Variants in SLC2A7 observed in about 807,000 individuals in gnomAD.
SLC2A7 encodes solute carrier family 2 member 7.
SLC2A7 carries 50 observed loss-of-function variants against 50.5 expected under a neutral mutation model. The observed-to-expected ratio is 0.99, with a 90% CI of 0.79 to 1.25. The LOEUF is 1.25. Among genes scored for constraint, SLC2A7 ranks in the 50% most tolerant of loss-of-function variants. The pLI is 0.00. For synonymous variants in SLC2A7, 308 were observed against 300.4 expected (o/e 1.03, Z -0.26); for missense variants, 683 against 679.1 (o/e 1.01, Z -0.06).
chr1:9,023,243 A>T (rs1466123181), intron 2 of SLC2A7, among the ~76,000 whole-genome samples, 165 bp from the exon 3 acceptor site: 1 of 152,186 alleles, frequency 6.6e-6, no homozygotes, highest in Admixed American at 6.5e-5. Flanking sequence ...AGAATCAAAA[A>T]ATCTACTATA....
chr1:9,001,181 G>A (rs1309591486), downstream of SLC2A7, among the ~76,000 whole-genome samples: 3 of 152,164 alleles, frequency 2.0e-5, no homozygotes, highest in African/African-American at 7.2e-5. Flanking sequence ...GACAGGACAG[G>A]AGAGGTTCTT....
Position 9,026,377 on chromosome 1 carries a change from A to G in SLC2A7, c.-32T>C, listed in dbSNP as rs1569815431. 2 of 1,577,660 alleles carry G rather than the reference A, an allele frequency of 1.3e-6. No homozygotes were observed. Among genetic ancestry groups the G allele is most frequent in the Non-Finnish European group, 1.7e-6 (2 of 1,159,522 alleles). Reference sequence around the variant, plus strand: ...TCAGGTGGGAGAACAGGTGTGCTCTACCTCCCAAGTGACACCTGCTCTGCG... The same window carrying G: ...TCAGGTGGGAGAACAGGTGTGCTCTGCCTCCCAAGTGACACCTGCTCTGCG... On this transcript the variant is annotated 5_prime_UTR_variant, in exon 1 of 12. Transcript: ENST00000400906.
At chr1:9,009,086 G>C (rs1287045233) in intron 9 of SLC2A7, among the ~76,000 whole-genome samples, 1 of 152,176 alleles carries the variant, frequency 6.6e-6, no homozygotes, top group Non-Finnish European at 1.5e-5. Context: ...GGTGGTTAAG[G>C]ACAAGTCATT....
At chr1:9,007,452 G>C in intron 9 of SLC2A7, 67 bp from the exon 10 acceptor site, 2 of 1,467,612 alleles carry the variant, frequency 1.4e-6, no homozygotes, top group Non-Finnish European at 1.9e-6. Context: ...GTCCACCTGC[G>C]GGTCCCACCT....
chr1:9,007,347 A>G lies in SLC2A7; in HGVS notation c.1155T>C (p.Cys385=), dbSNP rs200515850. The G allele has an allele frequency of 3.4e-5, 55 of 1,614,248 alleles. No individual in the cohort carries two copies. The East Asian group carries it at 1.2e-3, about 34-fold the overall frequency. ...AATGTCCCGCGATGTAGGCAAAGACACAGATGATGCCGAGGTAGGACAGCT... is the reference window on the plus strand; with the variant it reads ...AATGTCCCGCGATGTAGGCAAAGACGCAGATGATGCCGAGGTAGGACAGCT... ...VPELSYLGII[C]VFAYIAGHSI... The change falls in exon 10 of 12, where the codon TGT becomes TGC. Residue 385 remains cysteine (C), a synonymous_variant. Coordinates refer to ENST00000400906, the MANE Select transcript of SLC2A7 (RefSeq NM_207420.3).
rs1230895384 is a variant in SLC2A7, at chr1:9,026,305, G to T, written c.41C>A (p.Ser14Tyr). Reference protein sequence around the residue: ...KEAGTPPPIPSREGRLQPTLL... With the variant: ...KEAGTPPPIPYREGRLQPTLL... ...AGTCTTGGCACTTACCCCCTCCCTG[G>T]ATGGAATGGGTGGAGGGGTTCCCGC... The change falls in exon 1 of 12, where the codon TCC becomes TAC. Residue 14 changes from serine to tyrosine, a missense_variant. Coordinates refer to ENST00000400906, the MANE Select transcript of SLC2A7 (RefSeq NM_207420.3). 1 of 1,609,644 alleles carries T rather than the reference G, an allele frequency of 6.2e-7. No individual in the cohort carries two copies. The highest frequency in any genetic ancestry group is 1.7e-5 in the Admixed American group (1 of 59,524).
At position 9,008,755 on chromosome 1, in the gene SLC2A7, C is replaced by G. The variant is rs1640697470; in HGVS notation, c.1117-1370G>C. Among the ~76,000 whole-genome samples the G allele has an allele frequency of 6.6e-6, 1 of 152,130 alleles. No homozygotes were observed. On this transcript the variant is annotated intron_variant, in intron 9 of 11. Transcript: ENST00000400906. This position sits in a 1 kb window ranked among gnomAD's most constrained non-coding sequence, Gnocchi z 5.9. ...GGGATTACAGGCACACGCCACCACA[C>G]CCGACTAAATTTTGTATTTTTAATA...
the SLC2A7 span, among the ~76,000 whole-genome samples, chr1:8,993,176 T>A: frequency 1.3e-5 from 2 of 152,126 alleles, no homozygotes; most frequent in Non-Finnish European, 2.9e-5. Flanking sequence ...GAGAGAGAGC[T>A]TGTGCAGAGG....
intron 9 of SLC2A7, among the ~76,000 whole-genome samples, 189 bp from the exon 10 acceptor site, chr1:9,007,574 A>G (rs570314368): frequency 1.1e-3 from 168 of 152,288 alleles, no homozygotes; most frequent in African/African-American, 3.8e-3. Flanking sequence ...AGCCTCCCAC[A>G]GGGCTCCCTC....
chr1:8,993,139 C>A, the SLC2A7 span, among the ~76,000 whole-genome samples: 1 of 152,210 alleles, frequency 6.6e-6, no homozygotes, highest in African/African-American at 2.4e-5. Flanking sequence ...GAGCAAGGCA[C>A]GTCTTACACG....
chr1:8,999,453 G>A (rs1333245514), downstream of SLC2A7, among the ~76,000 whole-genome samples: 1 of 152,240 alleles, frequency 6.6e-6, no homozygotes, highest in Non-Finnish European at 1.5e-5. Context: ...GCAGAAGCCA[G>A]TTAGCTTTGT....
chr1:9,007,271 C>T lies in SLC2A7; in HGVS notation c.1192+39G>A. ...ACTGTGTGTCAGGCCCAGGAATGGA[C>T]CAGGATGGCCGGGGCGAGGGAGGCG... On this transcript the variant is annotated intron_variant, in intron 10 of 11. Transcript: ENST00000400906. 1.9e-6 allele frequency: 3 copies of T among 1,609,514 alleles called. No homozygotes were observed. In the African/African-American group the frequency reaches 4.0e-5, roughly 21 times the overall value.
At chr1:9,016,523 C>T (rs551784145) in intron 5 of SLC2A7, among the ~76,000 whole-genome samples, 18 of 151,960 alleles carry the variant, frequency 1.2e-4, no homozygotes, top group African/African-American at 3.1e-4. Flanking sequence ...GTGGGAGGAT[C>T]GCTTGAGCCT....
At chr1:9,010,091 C>T (rs893374525) in intron 9 of SLC2A7, 52 bp downstream of exon 9, 53 of 1,504,710 alleles carry the variant, frequency 3.5e-5, no homozygotes, top group Admixed American at 5.9e-5. Flanking sequence ...GTCAGGGGAC[C>T]TCCCACCCTC....
chr1:9,008,796 C>T lies in SLC2A7; in HGVS notation c.1116+1347G>A, dbSNP rs1489635875. On this transcript the variant is annotated intron_variant, in intron 9 of 11. Transcript: ENST00000400906. This position sits in a 1 kb window ranked among gnomAD's most constrained non-coding sequence, Gnocchi z 5.9. ...ATTTTTAATAGAGACGGGGTTTCAC[C>T]ACGTGGTCAGGCTGCTCTAGAACTC... Among the ~76,000 whole-genome samples the T allele has an allele frequency of 1.3e-5, 2 of 152,146 alleles. No individual in the cohort carries two copies. Among genetic ancestry groups the T allele is most frequent in the East Asian group, 3.9e-4 (2 of 5,186 alleles).
rs536578494 is a variant in SLC2A7 at position 9,016,102 on chromosome 1, C to T, written c.590-860G>A. On this transcript the variant is annotated intron_variant, in intron 5 of 11. Transcript: ENST00000400906. ...AGGCACAGGTGCTAAGCGTCATGCA[C>T]GGTGGATTCCCCAGCTGATGTCTCT... Among the ~76,000 whole-genome samples the T allele has an allele frequency of 6.6e-5, 10 of 152,252 alleles. No homozygotes were observed. In the South Asian group the frequency reaches 1.0e-3, roughly 16 times the overall value.
At chr1:9,024,555 AG>A (rs1640966084) in intron 2 of SLC2A7, among the ~76,000 whole-genome samples, 1 of 152,106 alleles carries the variant, frequency 6.6e-6, no homozygotes, top group South Asian at 2.1e-4. Context: ...TTCTGCCCTC[AG>A]GGTCTTCCAC....
intron 3 of SLC2A7, among the ~76,000 whole-genome samples, chr1:9,021,746 C>A (rs1283555074): frequency 1.3e-5 from 2 of 152,196 alleles, no homozygotes; most frequent in Non-Finnish European, 2.9e-5. Flanking sequence ...ACGTTCCCAC[C>A]CTTCTCTGGA....
rs144755470 is a variant in SLC2A7, at chr1:9,003,845, G to A, written c.1321-327C>T. 3.6e-3 allele frequency among the ~76,000 whole-genome samples: 547 copies of A among 151,572 alleles called. 4 individuals carry two copies. The highest frequency in any genetic ancestry group is 0.013 in the African/African-American group (529 of 41,304). On this transcript the variant is annotated intron_variant, in intron 11 of 11. Transcript: ENST00000400906. Reference sequence around the variant, plus strand: ...TGCACTCCAGCCTGGGCAACAGAGCGTGACTGTCTCAAAAAAACAAAAACA... The same window carrying A: ...TGCACTCCAGCCTGGGCAACAGAGCATGACTGTCTCAAAAAAACAAAAACA...
Sources: allele counts gnomAD v4.1 joint callset (sites outside exome capture counted in the v4.1 genomes callset), GRCh38; gene constraint gnomAD v4.1.1; non-coding constraint Gnocchi (gnomAD v3.1); transcripts MANE v1.5; gene names NCBI Gene and HGNC (gene_info 2026-07-23, HGNC 2026-07-21).